HEMK2: variants seen among roughly 807,000 people sequenced by gnomAD.
HEMK2 encodes HemK methyltransferase 2, ETF1 glutamine and histone H4 lysine.
chr21:28,690,783 T>G, the HEMK2 span, among the ~76,000 whole-genome samples: 1 of 152,168 alleles, frequency 6.6e-6, no homozygotes, highest in Non-Finnish European at 1.5e-5. Context: ...TTACCTCAAT[T>G]TTTTAGAAAT....
the HEMK2 span, among the ~76,000 whole-genome samples, chr21:28,738,760 G>A: frequency 6.6e-6 from 1 of 152,146 alleles, no homozygotes; most frequent in Non-Finnish European, 1.5e-5. Flanking sequence ...TTTTGCAATT[G>A]CAACATTTCT....
the HEMK2 span, among the ~76,000 whole-genome samples, chr21:28,746,736 T>C: frequency 2.0e-5 from 3 of 150,156 alleles, no homozygotes; most frequent in African/African-American, 7.3e-5. Flanking sequence ...GAAGAGCTAG[T>C]GCAAAAACTT....
the HEMK2 span, among the ~76,000 whole-genome samples, chr21:28,855,281 G>T: frequency 6.6e-6 from 1 of 152,156 alleles, no homozygotes; most frequent in Non-Finnish European, 1.5e-5. Flanking sequence ...TTACATAAGG[G>T]TAAAGGATTG....
the HEMK2 span, among the ~76,000 whole-genome samples, chr21:28,811,061 T>C: frequency 1.0e-3 from 152 of 152,210 alleles, 1 homozygote; most frequent in Admixed American, 2.9e-3. Flanking sequence ...AACCAGCCTA[T>C]GCACAGAAAA....
At chr21:28,578,820 C>T in the HEMK2 span, among the ~76,000 whole-genome samples, 7 of 152,230 alleles carry the variant, frequency 4.6e-5, no homozygotes, top group Middle Eastern at 3.4e-3. Context: ...AGGCAGCACA[C>T]GTAATATTGG....
the HEMK2 span, among the ~76,000 whole-genome samples, chr21:28,576,026 T>G: frequency 6.6e-6 from 1 of 152,232 alleles, no homozygotes; most frequent in Non-Finnish European, 1.5e-5. Context: ...TGTTTGGGGT[T>G]ATCATGAACA....
chr21:28,694,628 A>T, the HEMK2 span, among the ~76,000 whole-genome samples: 1 of 150,078 alleles, frequency 6.7e-6, no homozygotes, highest in Non-Finnish European at 1.5e-5. Context: ...TCCCTCCTCT[A>T]TTTTTTTTTG....
At chr21:28,593,414 T>C in the HEMK2 span, among the ~76,000 whole-genome samples, 1 of 152,224 alleles carries the variant, frequency 6.6e-6, no homozygotes, top group African/African-American at 2.4e-5. Context: ...GATTAGTATG[T>C]ACACCTATAT....
chr21:28,843,125 GAACTTGA>G, the HEMK2 span, among the ~76,000 whole-genome samples: 1 of 152,074 alleles, frequency 6.6e-6, no homozygotes, highest in Non-Finnish European at 1.5e-5. Flanking sequence ...GTATCCTCAT[GAACTTGA>G]AACACATGTG....
the HEMK2 span, chr21:28,879,978 A>G: frequency 6.8e-7 from 1 of 1,461,456 alleles, no homozygotes; most frequent in Non-Finnish European, 9.3e-7. Flanking sequence ...CAACAGTAAG[A>G]ATTTTACATT....
At chr21:28,709,948 G>A in the HEMK2 span, among the ~76,000 whole-genome samples, 1 of 152,214 alleles carries the variant, frequency 6.6e-6, no homozygotes, top group Non-Finnish European at 1.5e-5. Context: ...TTTCAGTGCT[G>A]TGTTCTTTTG....
the HEMK2 span, among the ~76,000 whole-genome samples, chr21:28,747,909 T>C: frequency 6.6e-6 from 1 of 152,214 alleles, no homozygotes; most frequent in Admixed American, 6.5e-5. Flanking sequence ...AGATAGGGTA[T>C]CTCTTATGAG....
chr21:28,713,919 A>G, the HEMK2 span, among the ~76,000 whole-genome samples: 5 of 152,212 alleles, frequency 3.3e-5, no homozygotes, highest in East Asian at 9.6e-4. Context: ...TTATATACGC[A>G]TATATAGCTA....
chr21:28,859,731 G>A, the HEMK2 span, among the ~76,000 whole-genome samples: 1 of 152,122 alleles, frequency 6.6e-6, no homozygotes, highest in African/African-American at 2.4e-5. Flanking sequence ...GCTGGAAGGA[G>A]AAGCAGCAGC....
chr21:28,765,199 C>A, the HEMK2 span, among the ~76,000 whole-genome samples: 1 of 152,062 alleles, frequency 6.6e-6, no homozygotes, highest in Non-Finnish European at 1.5e-5. Flanking sequence ...TAACGTGCCA[C>A]AAGGAACTGA....
chr21:28,853,796 G>C, the HEMK2 span, among the ~76,000 whole-genome samples: 4 of 152,140 alleles, frequency 2.6e-5, no homozygotes, highest in Admixed American at 1.3e-4. Flanking sequence ...GGCAAAAAAA[G>C]GTTTATCAGA....
the HEMK2 span, among the ~76,000 whole-genome samples, chr21:28,612,419 C>T: frequency 6.6e-6 from 1 of 152,152 alleles, no homozygotes; most frequent in Non-Finnish European, 1.5e-5. Context: ...GATCGGCATA[C>T]AAGGGACATA....
the HEMK2 span, among the ~76,000 whole-genome samples, chr21:28,758,406 A>G: frequency 6.6e-6 from 1 of 152,190 alleles, no homozygotes; most frequent in Non-Finnish European, 1.5e-5. Context: ...CAAAGGAGTA[A>G]AAGTAGAAAG....
At chr21:28,742,526 C>T in the HEMK2 span, among the ~76,000 whole-genome samples, 1 of 152,102 alleles carries the variant, frequency 6.6e-6, no homozygotes, top group Admixed American at 6.5e-5. Flanking sequence ...ATGCACTTAT[C>T]CAAAGACTTT....
Sources: allele counts gnomAD v4.1 joint callset (sites outside exome capture counted in the v4.1 genomes callset), GRCh38; gene constraint gnomAD v4.1.1; transcripts MANE v1.5; gene names NCBI Gene and HGNC (gene_info 2026-07-23, HGNC 2026-07-21).